The following ATR variants were observed in gnomAD, a reference collection of about 807,000 sequenced individuals.
The protein encoded by ATR is ATR checkpoint kinase, also known as serine/threonine-protein kinase ATR.
Under a neutral mutation model 305.3 loss-of-function variants are expected in ATR, and 142 were observed. The observed-to-expected ratio is 0.47, with a 90% CI of 0.41 to 0.53. The LOEUF is 0.53. ATR is among the 20% of genes least tolerant of loss of function. The probability of loss-of-function intolerance (pLI) is 0.00; values close to 1 mark genes in which losing one functional copy is unlikely to be tolerated. For synonymous variants in ATR, 1,050 were observed against 1,068.1 expected (o/e 0.98, Z 0.33); for missense variants, 2,135 against 3,133.1 (o/e 0.68, Z 7.60).
At chr3:142,551,078 C>T (rs376005349) in intron 13 of ATR, among the ~76,000 whole-genome samples, 15 of 152,288 alleles carry the variant, frequency 9.8e-5, no homozygotes, top group Admixed American at 6.5e-4. Context: ...TGAGTCACCA[C>T]GCCCAGCCTT....
chr3:142,554,665 T>C (rs1018575085), intron 10 of ATR, among the ~76,000 whole-genome samples: 5 of 152,176 alleles, frequency 3.3e-5, no homozygotes, highest in African/African-American at 1.2e-4. Flanking sequence ...CTCATACCTG[T>C]AATCCCAACA....
At chr3:142,482,989 CT>C (rs56912666) in intron 36 of ATR, among the ~76,000 whole-genome samples, 10,350 of 135,572 alleles carry the variant, frequency 0.076, 1,196 homozygotes, top group African/African-American at 0.26. Flanking sequence ...CCCTTTCTTT[CT>C]TTTTTTTTTT....
intron 35 of ATR, among the ~76,000 whole-genome samples, chr3:142,485,929 A>C (rs2030892314): frequency 6.6e-6 from 1 of 151,908 alleles, no homozygotes; most frequent in Non-Finnish European, 1.5e-5. Flanking sequence ...ATATTTTACA[A>C]CTCTGATCTC....
chr3:142,449,989 G>C, intron 46 of ATR: 1 of 319,904 alleles, frequency 3.1e-6, no homozygotes, highest in South Asian at 3.3e-5. Flanking sequence ...ACATGCAAAT[G>C]GGTGTTCTAA....
chr3:142,454,714 T>G (rs1354522629), intron 45 of ATR, among the ~76,000 whole-genome samples: 1 of 152,154 alleles, frequency 6.6e-6, no homozygotes, highest in African/African-American at 2.4e-5. Flanking sequence ...GTGCTGGGAT[T>G]ACAGGCGTGA....
In ATR at chr3:142,505,526, A is replaced by T. The variant is rs559407754; in HGVS notation, c.5032-223T>A. Among the ~76,000 whole-genome samples, 5 of 152,292 alleles carry T rather than the reference A, an allele frequency of 3.3e-5. No individual in the cohort carries two copies. In the South Asian group the frequency reaches 6.2e-4, roughly 19 times the overall value. On this transcript the variant is annotated intron_variant, in intron 28 of 46. Coordinates refer to ENST00000350721, the MANE Select transcript of ATR (RefSeq NM_001184.4). Reference sequence around the variant, plus strand: ...TTACTCCTTTTAAATACAAATCTATATCAATAGCTGTTATTGATCATAAGG... The same window carrying T: ...TTACTCCTTTTAAATACAAATCTATTTCAATAGCTGTTATTGATCATAAGG...
intron 30 of ATR, among the ~76,000 whole-genome samples, chr3:142,502,262 A>C (rs1474335879): frequency 1.3e-5 from 2 of 152,066 alleles, no homozygotes; most frequent in African/African-American, 4.8e-5. Context: ...AGATACATAC[A>C]CTCGTATGTT....
chr3:142,518,058 A>C (rs1377271429), intron 24 of ATR, among the ~76,000 whole-genome samples: 4 of 152,236 alleles, frequency 2.6e-5, no homozygotes, highest in African/African-American at 9.6e-5. Flanking sequence ...CCAACAATCA[A>C]ACCTAAGCCT....
chr3:142,558,554 A>AT (rs2108476756), intron 8 of ATR, 70 bp downstream of exon 8: 1 of 1,118,928 alleles, frequency 8.9e-7, no homozygotes. Flanking sequence ...AAATAAATAA[A>AT]TAAATAGATA....
At position 142,485,293 on chromosome 3, in the gene ATR, G is replaced by C. The variant is rs764120929; in HGVS notation, c.6079-11C>G. On this transcript the variant is annotated splice_polypyrimidine_tract_variant and intron_variant, in intron 35 of 46. Coordinates refer to ENST00000350721, the MANE Select transcript of ATR (RefSeq NM_001184.4). ...GCACGCGGTCACATCCTATAAAAAA[G>C]AACATAGGATACCTACCTAAGGAAA... 2 of 1,613,880 alleles carry C rather than the reference G, an allele frequency of 1.2e-6. No homozygotes were observed. Among genetic ancestry groups the C allele is most frequent in the Non-Finnish European group, 8.5e-7 (1 of 1,179,882 alleles).
At position 142,556,370 on chromosome 3, in the gene ATR, T is replaced by C. The variant is rs1214212053; in HGVS notation, c.2078+13A>G. The stretch of plus-strand genomic sequence containing the variant: ...ATAGAGTGATATATTCAAATTAAAA[T>C]CTTAGTACATACATAAGAATCTTGG... On this transcript the variant is annotated intron_variant, in intron 9 of 46. Transcript: ENST00000350721. 1 of 1,606,100 alleles carries C rather than the reference T, an allele frequency of 6.2e-7. No homozygotes were observed. The highest frequency in any genetic ancestry group is 8.5e-7 in the Non-Finnish European group (1 of 1,172,706).
intron 1 of ATR, among the ~76,000 whole-genome samples, chr3:142,571,960 T>C (rs1577719914): frequency 6.6e-6 from 1 of 151,610 alleles, no homozygotes. Context: ...AGAGACGGGG[T>C]TTCACCATGT....
rs1577653947 is a variant in ATR at position 142,535,971 on chromosome 3, C to T, written c.3819+137G>A. 7.6e-6 allele frequency: 5 copies of T among 656,358 alleles called. No homozygotes were observed. In the East Asian group the frequency reaches 1.1e-4, roughly 14 times the overall value. 40.7% of individuals were successfully genotyped at this position (656,358 alleles called of 1,614,324 possible). A position where few individuals can be genotyped will look rare whatever the true frequency, so the allele number is the denominator to read the frequency against. On this transcript the variant is annotated intron_variant, in intron 20 of 46. Transcript: ENST00000350721. ...CATGGATTCATGGTAGCATTATCTA[C>T]TCACCAGGAATTAGCTATCAGAATA...
At chr3:142,503,294 C>A in intron 30 of ATR, 68 bp downstream of exon 30, 1 of 1,091,712 alleles carries the variant, frequency 9.2e-7, no homozygotes, top group South Asian at 1.3e-5. Flanking sequence ...TTAAATTACC[C>A]AATTCACTAA....
chr3:142,452,627 T>G, intron 46 of ATR: 1 of 908,994 alleles, frequency 1.1e-6, no homozygotes, highest in African/African-American at 1.8e-5. Context: ...TGAGCCAAGA[T>G]CGTGCCACTG....
At position 142,495,492 on chromosome 3, in the gene ATR, C is replaced by T. The variant is rs368697385; in HGVS notation, c.5898+869G>A. Among the ~76,000 whole-genome samples the T allele has an allele frequency of 2.6e-5, 4 of 152,242 alleles. No individual in the cohort carries two copies. The South Asian group carries it at 6.2e-4, about 24-fold the overall frequency. Reference sequence around the variant, plus strand: ...AGGCGCGGTGGCTCACGCCTGTAATCCCAGCACTTTGGGTGGCTGAGGCAG... The same window carrying T: ...AGGCGCGGTGGCTCACGCCTGTAATTCCAGCACTTTGGGTGGCTGAGGCAG... On this transcript the variant is annotated intron_variant, in intron 34 of 46. Coordinates refer to ENST00000350721, the MANE Select transcript of ATR (RefSeq NM_001184.4).
At chr3:142,533,436 C>T (rs900689889) in intron 21 of ATR, among the ~76,000 whole-genome samples, 2 of 152,166 alleles carry the variant, frequency 1.3e-5, no homozygotes, top group East Asian at 1.9e-4. Flanking sequence ...AGAATATTTT[C>T]ATCCTCACAG....
At chr3:142,537,462 A>C (rs925002962) in intron 19 of ATR, among the ~76,000 whole-genome samples, 1 of 152,182 alleles carries the variant, frequency 6.6e-6, no homozygotes, top group Non-Finnish European at 1.5e-5. Flanking sequence ...TATGTACAAA[A>C]AAATTTAAAA....
chr3:142,508,625 T>C (rs1472870476), intron 27 of ATR, among the ~76,000 whole-genome samples: 3 of 152,018 alleles, frequency 2.0e-5, no homozygotes, highest in African/African-American at 7.2e-5. Flanking sequence ...CCTATTACAA[T>C]AGAAATTGAA....
Sources: gnomAD v4.1 joint callset for allele counts (sites outside exome capture counted in the v4.1 genomes callset) on GRCh38, gnomAD v4.1.1 for gene constraint, MANE v1.5 for transcripts, NCBI Gene and HGNC (gene_info 2026-07-23, HGNC 2026-07-21) for gene names.